The following GGACT variants were observed in gnomAD, a reference collection of about 807,000 sequenced individuals.
GGACT encodes the protein gamma-glutamylamine cyclotransferase, also known as gamma-glutamylaminecyclotransferase.
For missense variants in GGACT, 241 were observed against 233.2 expected, an observed-to-expected ratio of 1.03 and a Z score of -0.22; for synonymous variants, 118 against 115.3, an observed-to-expected ratio of 1.02 and a Z score of -0.15.
chr13:100,579,164 C>G (rs1211326556), intron 2 of GGACT, among the ~76,000 whole-genome samples: 1 of 152,210 alleles, frequency 6.6e-6, no homozygotes, highest in Non-Finnish European at 1.5e-5. Flanking sequence ...AGGCATGGTT[C>G]TCACCCAATC....
chr13:100,586,643 C>T (rs1455639742), intron 1 of GGACT: 2 of 152,346 alleles, frequency 1.3e-5, no homozygotes, highest in Non-Finnish European at 2.9e-5. Flanking sequence ...CTTAAGGTCT[C>T]CCCAACTGTG....
chr13:100,535,530 T>A (rs571723743), intron 2 of GGACT, among the ~76,000 whole-genome samples: 4 of 152,276 alleles, frequency 2.6e-5, no homozygotes, highest in East Asian at 3.9e-4. Context: ...CCGCGGTGGG[T>A]ACCAACACAC....
chr13:100,581,155 C>T (rs952754055), intron 2 of GGACT, among the ~76,000 whole-genome samples: 7 of 152,196 alleles, frequency 4.6e-5, no homozygotes, highest in Non-Finnish European at 8.8e-5. Context: ...TACACACAGA[C>T]ATTTCCTTGC....
At chr13:100,548,675 C>T (rs748828524) in intron 2 of GGACT, among the ~76,000 whole-genome samples, 3 of 152,328 alleles carry the variant, frequency 2.0e-5, no homozygotes, top group African/African-American at 4.8e-5. Flanking sequence ...TCCCCATAAA[C>T]AGGAACAATT....
At chr13:100,584,433 G>A (rs1020650965) in intron 1 of GGACT, among the ~76,000 whole-genome samples, 2 of 152,082 alleles carry the variant, frequency 1.3e-5, no homozygotes, top group African/African-American at 2.4e-5. Flanking sequence ...TAAAACAATT[G>A]AACTGACTGA....
intron 2 of GGACT, among the ~76,000 whole-genome samples, chr13:100,576,332 C>G (rs1398430653): frequency 6.6e-6 from 1 of 152,202 alleles, no homozygotes. Flanking sequence ...CTGGAACTCT[C>G]ACCATTGCGG....
chr13:100,563,639 A>G (rs1471874980), intron 2 of GGACT, among the ~76,000 whole-genome samples: 1 of 152,348 alleles, frequency 6.6e-6, no homozygotes, highest in Non-Finnish European at 1.5e-5. Flanking sequence ...AACACAGTTA[A>G]GACCCTGTCT....
At chr13:100,563,596 A>T (rs1031372716) in intron 2 of GGACT, among the ~76,000 whole-genome samples, 15 of 152,174 alleles carry the variant, frequency 9.9e-5, no homozygotes, top group African/African-American at 3.6e-4. Context: ...TAGGAGGATC[A>T]CTTGAGCCTA....
chr13:100,539,721 C>G (rs1594183741), intron 2 of GGACT: 1 of 606,094 alleles, frequency 1.6e-6, no homozygotes, highest in East Asian at 2.8e-5. Context: ...TGAAATGTTC[C>G]TTCTTCTTCA....
intron 2 of GGACT, among the ~76,000 whole-genome samples, chr13:100,535,170 G>A (rs1287597933): frequency 6.6e-6 from 1 of 152,192 alleles, no homozygotes; most frequent in East Asian, 1.9e-4. Context: ...TCCACTGCCA[G>A]GTGCCTGCCT....
At chr13:100,549,788 T>C (rs1240187420) in intron 2 of GGACT, among the ~76,000 whole-genome samples, 1 of 152,196 alleles carries the variant, frequency 6.6e-6, no homozygotes, top group Non-Finnish European at 1.5e-5. Flanking sequence ...AAAAGTCCAT[T>C]GCTTACGTCA....
At chr13:100,577,651 G>A (rs1416217162) in intron 2 of GGACT, among the ~76,000 whole-genome samples, 1 of 152,096 alleles carries the variant, frequency 6.6e-6, no homozygotes, top group East Asian at 1.9e-4. Flanking sequence ...AAAGGGAGGA[G>A]GGCACGTGGA....
In GGACT at chr13:100,566,979, GC is replaced by G. The variant is rs1874907590; in HGVS notation, c.-11+16845del. Among the ~76,000 whole-genome samples, 5 of 152,168 alleles carry G rather than the reference GC, an allele frequency of 3.3e-5. No individual in the cohort carries two copies. In the South Asian group the frequency reaches 1.0e-3, roughly 32 times the overall value. On this transcript the variant is annotated intron_variant, in intron 2 of 2. Transcript: ENST00000683975. ...ATTCACGATCCTTTAAAGATTGCAG[GC>G]CATTGATTTGGTTGAATGTCCCTGA... is the stretch of plus-strand genomic sequence containing the variant.
intron 1 of GGACT, chr13:100,587,219 G>T (rs886824991): frequency 1.3e-5 from 2 of 152,172 alleles, no homozygotes; most frequent in African/African-American, 4.8e-5. Context: ...AATGGACACA[G>T]ATTGGAAATC....
At chr13:100,535,081 G>A (rs1229634961) in intron 2 of GGACT, among the ~76,000 whole-genome samples, 1 of 152,264 alleles carries the variant, frequency 6.6e-6, no homozygotes, top group Non-Finnish European at 1.5e-5. Context: ...ACCTGCAGGT[G>A]AGGAAGCCGA....
chr13:100,550,092 G>C (rs1055765149), intron 2 of GGACT, among the ~76,000 whole-genome samples: 1 of 152,128 alleles, frequency 6.6e-6, no homozygotes, highest in Non-Finnish European at 1.5e-5. Context: ...GTCCCTGAGC[G>C]AGCTTCTACA....
intron 2 of GGACT, among the ~76,000 whole-genome samples, chr13:100,567,765 G>A (rs1874947084): frequency 6.6e-6 from 1 of 152,118 alleles, no homozygotes; most frequent in South Asian, 2.1e-4. Context: ...ACAACCCAAA[G>A]CATATCACAG....
chr13:100,587,305 G>A (rs953693694), intron 1 of GGACT, among the ~76,000 whole-genome samples: 1 of 152,172 alleles, frequency 6.6e-6, no homozygotes, highest in Admixed American at 6.5e-5. Context: ...CTACTATCCA[G>A]ATCACCACAA....
intron 2 of GGACT, among the ~76,000 whole-genome samples, chr13:100,549,172 T>C (rs1015877247): frequency 1.3e-5 from 2 of 152,092 alleles, no homozygotes; most frequent in Admixed American, 1.3e-4. Flanking sequence ...GGTGAAGCCC[T>C]GTCTCTACTA....
Sources: allele counts gnomAD v4.1 joint callset (sites outside exome capture counted in the v4.1 genomes callset), GRCh38; gene constraint gnomAD v4.1.1; transcripts MANE v1.5; gene names NCBI Gene and HGNC (gene_info 2026-07-23, HGNC 2026-07-21).